FNDC3A: variants seen among roughly 807,000 people sequenced by gnomAD.
FNDC3A encodes fibronectin type-III domain-containing protein 3A.
FNDC3A carries 32 observed loss-of-function variants against 148.9 expected under a neutral mutation model. The observed-to-expected ratio is 0.21, with a 90% confidence interval of 0.16 to 0.29. The LOEUF is 0.29. FNDC3A is among the 10% of genes least tolerant of loss of function. The pLI is 1.00. For synonymous variants in FNDC3A, 472 were observed against 473.6 expected (o/e 1.00, Z 0.04); for missense variants, 1,191 against 1,452.8 (o/e 0.82, Z 2.93).
At chr13:49,038,113 G>A (rs1342473601) in intron 2 of FNDC3A, among the ~76,000 whole-genome samples, 1 of 152,136 alleles carries the variant, frequency 6.6e-6, no homozygotes, top group Non-Finnish European at 1.5e-5. Context: ...TGTCCCCACT[G>A]AACTCTTGGT....
At chr13:49,144,271 G>A (rs1195780211) in intron 7 of FNDC3A, among the ~76,000 whole-genome samples, 1 of 151,972 alleles carries the variant, frequency 6.6e-6, no homozygotes, top group African/African-American at 2.4e-5. Context: ...TCATTTTTAA[G>A]TTCATTGTAA....
At chr13:49,133,623 A>G (rs557304611) in intron 5 of FNDC3A, among the ~76,000 whole-genome samples, 1 of 152,336 alleles carries the variant, frequency 6.6e-6, no homozygotes, top group East Asian at 1.9e-4. Context: ...ATGGATTCTC[A>G]AAGTGGAATC....
At chr13:49,114,417 C>G (rs577204613) in intron 3 of FNDC3A, among the ~76,000 whole-genome samples, 11 of 151,416 alleles carry the variant, frequency 7.3e-5, no homozygotes, top group South Asian at 4.2e-4. Context: ...ACCTCCCCGC[C>G]CCCCACCACC....
At chr13:49,199,733 C>T (rs181067084) in intron 23 of FNDC3A, among the ~76,000 whole-genome samples, 5 of 152,302 alleles carry the variant, frequency 3.3e-5, no homozygotes, top group African/African-American at 4.8e-5. Flanking sequence ...AGGGCCTGCA[C>T]GCTAAATGAA....
Position 49,016,131 on chromosome 13 carries a change from G to C in FNDC3A, c.99+9842G>C, listed in dbSNP as rs547297610. On this transcript the variant is annotated intron_variant, in intron 2 of 25. Coordinates refer to ENST00000492622, the MANE Select transcript of FNDC3A (RefSeq NM_001079673.2). ...TGCTGGCCTCATAAGATGAGTTAGG[G>C]AGGATTCCCTCTTTTTCTGTTGATT... Among the ~76,000 whole-genome samples the C allele has an allele frequency of 2.0e-5, 3 of 152,362 alleles. No homozygotes were observed. In the East Asian group the frequency reaches 5.8e-4, roughly 29 times the overall value.
At chr13:48,985,253 G>A (rs909130742) in intron 1 of FNDC3A, among the ~76,000 whole-genome samples, 3 of 152,136 alleles carry the variant, frequency 2.0e-5, no homozygotes, top group African/African-American at 7.2e-5. Flanking sequence ...AATTTATAGA[G>A]GTAGAAATAT....
intron 23 of FNDC3A, among the ~76,000 whole-genome samples, chr13:49,199,467 A>G (rs1171692305): frequency 6.6e-6 from 1 of 151,596 alleles, no homozygotes; most frequent in African/African-American, 2.4e-5. Context: ...AGCTGGGACT[A>G]CAGGTGCGCA....
Position 49,126,043 on chromosome 13 carries a change from T to A in FNDC3A, c.253-5094T>A, listed in dbSNP as rs988751539. 2.0e-4 allele frequency among the ~76,000 whole-genome samples: 31 copies of A among 152,176 alleles called. 1 individual carries two copies. The highest frequency in any genetic ancestry group is 4.1e-4 in the Non-Finnish European group (28 of 68,024). ...CCTTTTCACAACGTACTTATTTTATTTTACATCACAACCAGTGTACCCTGT... is the reference window on the plus strand; with the variant it reads ...CCTTTTCACAACGTACTTATTTTATATTACATCACAACCAGTGTACCCTGT... On this transcript the variant is annotated intron_variant, in intron 4 of 25. Coordinates refer to ENST00000492622, the MANE Select transcript of FNDC3A (RefSeq NM_001079673.2).
At chr13:49,078,967 G>C (rs1217752737) in intron 3 of FNDC3A, among the ~76,000 whole-genome samples, 1 of 152,166 alleles carries the variant, frequency 6.6e-6, no homozygotes, top group Non-Finnish European at 1.5e-5. Context: ...AATGAATTGA[G>C]ATAAGAGCTG....
chr13:49,180,128 A>AT (rs143563450), intron 14 of FNDC3A, among the ~76,000 whole-genome samples: 260 of 152,298 alleles, frequency 1.7e-3, no homozygotes, highest in African/African-American at 6.0e-3. Context: ...TTCAATTCTA[A>AT]TCCAGTGCCA....
At chr13:48,986,460 A>G (rs1324609898) in intron 1 of FNDC3A, among the ~76,000 whole-genome samples, 1 of 116,854 alleles carries the variant, frequency 8.6e-6, no homozygotes, top group East Asian at 3.0e-4. Context: ...CAATGGCGTG[A>G]TCTCGGCTCA....
At chr13:49,179,030 A>G (rs111830496) in intron 14 of FNDC3A, among the ~76,000 whole-genome samples, 1 of 152,112 alleles carries the variant, frequency 6.6e-6, no homozygotes, top group Non-Finnish European at 1.5e-5. Context: ...CCCAACCTCT[A>G]TTCTTACTGT....
intron 5 of FNDC3A, among the ~76,000 whole-genome samples, chr13:49,132,768 C>G (rs1215352055): frequency 6.6e-6 from 1 of 152,196 alleles, no homozygotes; most frequent in African/African-American, 2.4e-5. Flanking sequence ...TCTGCCTTTT[C>G]TGTAAATTTC....
intron 6 of FNDC3A, among the ~76,000 whole-genome samples, chr13:49,137,430 C>T (rs745542122): frequency 1.6e-4 from 25 of 152,282 alleles, no homozygotes; most frequent in African/African-American, 5.3e-4. Context: ...CTGCAACCTC[C>T]GCCTCCTGTG....
intron 6 of FNDC3A, 65 bp from the exon 7 acceptor site, chr13:49,138,682 A>G: frequency 1.4e-6 from 1 of 719,682 alleles, no homozygotes; most frequent in Non-Finnish European, 2.3e-6. Flanking sequence ...ATACATATTT[A>G]GGGAGAAGAA....
intron 2 of FNDC3A, among the ~76,000 whole-genome samples, chr13:49,026,939 C>T (rs2137655193): frequency 6.6e-6 from 1 of 151,976 alleles, no homozygotes; most frequent in South Asian, 2.1e-4. Context: ...GATTGATTGG[C>T]TTATATATCC....
intron 1 of FNDC3A, among the ~76,000 whole-genome samples, chr13:48,999,088 C>A (rs144843673): frequency 6.4e-4 from 98 of 152,312 alleles, no homozygotes; most frequent in African/African-American, 2.0e-3. Context: ...GACTGCCCCG[C>A]AGCAGAGCCT....
At chr13:49,073,732 G>T (rs1877876207) in intron 2 of FNDC3A, among the ~76,000 whole-genome samples, 1 of 141,806 alleles carries the variant, frequency 7.1e-6, no homozygotes, top group African/African-American at 2.6e-5. Flanking sequence ...TAATATATAT[G>T]TATATATAAT....
chr13:49,151,855 T>G (rs1038609796), intron 8 of FNDC3A, among the ~76,000 whole-genome samples: 22 of 152,220 alleles, frequency 1.4e-4, no homozygotes, highest in African/African-American at 4.8e-4. Flanking sequence ...TGCGATAGTT[T>G]GCTCAGAATG....
Sources: gnomAD v4.1 joint callset for allele counts (sites outside exome capture counted in the v4.1 genomes callset) on GRCh38, gnomAD v4.1.1 for gene constraint, MANE v1.5 for transcripts, NCBI Gene and HGNC (gene_info 2026-07-23, HGNC 2026-07-21) for gene names.